Variants in WDR36 observed in about 807,000 individuals in gnomAD.
WDR36 encodes WD repeat-containing protein 36.
In WDR36, 63 loss-of-function variants were observed where a neutral mutation model predicts 112.7. The ratio of observed to expected loss-of-function variants is 0.56; its 90% CI spans 0.46 to 0.69. The LOEUF is 0.69. WDR36 is among the 30% of genes least tolerant of loss of function. The pLI is 0.00. For synonymous variants in WDR36, 410 were observed against 362.2 expected, an observed-to-expected ratio of 1.13 and a Z score of -1.50; for missense variants, 1,226 against 1,070.3, an observed-to-expected ratio of 1.15 and a Z score of -2.03.
chr5:111,113,067 T>G lies in WDR36; in HGVS notation c.1717-7T>G. ...ATATATATATATTTTTTTTTTTTAA[T>G]TTAAAGGCTTTTAGTCCTGATGGTC... On this transcript the variant is annotated splice_polypyrimidine_tract_variant and splice_region_variant and intron_variant, in intron 15 of 22. Coordinates refer to ENST00000513710, the MANE Select transcript of WDR36 (RefSeq NM_139281.3). 8.1e-7 allele frequency: 1 copy of G among 1,234,006 alleles called. No homozygotes were observed. Among genetic ancestry groups the G allele is most frequent in the Non-Finnish European group, 1.1e-6 (1 of 943,648 alleles). 76.4% of individuals were successfully genotyped at this position (1,234,006 alleles called of 1,614,324 possible). A position where few individuals can be genotyped will look rare whatever the true frequency, so the allele number is the denominator to read the frequency against.
chr5:111,110,916 A>C lies in WDR36; in HGVS notation c.1570A>C (p.Ser524Arg), dbSNP rs1753323836. The change falls in exon 14 of 23, where the codon AGT (serine) becomes CGT (arginine). Residue 524 changes from serine (S) to arginine (R), a missense_variant. Coordinates refer to ENST00000513710, the MANE Select transcript of WDR36 (RefSeq NM_139281.3). Reference protein sequence around the residue: ...NKILIHSVSLSSSPNIMLLHR... With the variant: ...NKILIHSVSLRSSPNIMLLHR... ...AATTTTAATCCATTCTGTGAGCCTC[A>C]GTTCATCTCCAAATATCATGTTGCT... The C allele has an allele frequency of 6.2e-7, 1 of 1,611,556 alleles. No individual in the cohort carries two copies. Among genetic ancestry groups the C allele is most frequent in the Non-Finnish European group, 8.5e-7 (1 of 1,178,504 alleles).
At chr5:111,115,167 G>C (rs1239990485) in intron 16 of WDR36, among the ~76,000 whole-genome samples, 1 of 152,120 alleles carries the variant, frequency 6.6e-6, no homozygotes. Flanking sequence ...ACATCGAATT[G>C]TTAAAAGAAA....
intron 9 of WDR36, among the ~76,000 whole-genome samples, 161 bp from the exon 10 acceptor site, chr5:111,105,134 A>T (rs1314816799): frequency 6.6e-6 from 1 of 151,650 alleles, no homozygotes; most frequent in Non-Finnish European, 1.5e-5. Flanking sequence ...ATTCTATAAA[A>T]AGTTGAATAT....
At chr5:111,094,492 G>A (rs537680263) in intron 1 of WDR36, among the ~76,000 whole-genome samples, 1 of 152,178 alleles carries the variant, frequency 6.6e-6, no homozygotes, top group African/African-American at 2.4e-5. Context: ...GTGGGGGCAG[G>A]CTGGGGGTAG....
intron 11 of WDR36, 59 bp from the exon 12 acceptor site, chr5:111,107,235 G>A (rs1446387152): frequency 2.6e-6 from 4 of 1,562,968 alleles, no homozygotes; most frequent in Non-Finnish European, 3.5e-6. Flanking sequence ...TGCCTAATAA[G>A]TAATAAATGA....
intron 12 of WDR36, 45 bp from the exon 13 acceptor site, chr5:111,110,143 TA>T: frequency 7.3e-7 from 1 of 1,376,494 alleles, no homozygotes; most frequent in Non-Finnish European, 1.0e-6. Flanking sequence ...TAAAGTGCAA[TA>T]AAAATGTTAG....
intron 12 of WDR36, 31 bp from the exon 13 acceptor site, chr5:111,110,157 AT>A: frequency 6.8e-7 from 1 of 1,469,044 alleles, no homozygotes; most frequent in South Asian, 1.1e-5. Context: ...AATGTTAGTT[AT>A]TTTGTCATTT....
At chr5:111,125,875 G>A (rs767617666) in intron 22 of WDR36, 80 bp downstream of exon 22, 113 of 1,474,776 alleles carry the variant, frequency 7.7e-5, no homozygotes, top group Non-Finnish European at 1.0e-4. Context: ...CTGCAAAGAT[G>A]GGTATGCTGT....
At chr5:111,125,161 T>C (rs1753652489) in intron 21 of WDR36, among the ~76,000 whole-genome samples, 1 of 152,204 alleles carries the variant, frequency 6.6e-6, no homozygotes. Context: ...TAGTTCCTAA[T>C]GATTATGTAC....
intron 16 of WDR36, among the ~76,000 whole-genome samples, chr5:111,113,647 T>C (rs2112541): frequency 0.53 from 80,698 of 151,790 alleles, 22,372 homozygotes; most frequent in South Asian, 0.68. Flanking sequence ...TATTGAAACT[T>C]GGTTATTTCT....
rs1753139323 is a variant in WDR36 at position 111,102,393 on chromosome 5, T to C, written c.591T>C (p.Leu197=). ...FPGWKVGVTA[L]QQAPAVDVVA... is the part of the protein sequence containing the mutation. ...GATGGAAAGTTGGAGTGACAGCTCT[T>C]CAGCAGGTTAGTATTTTTCTGTTAA... Residue 197 remains leucine, a synonymous_variant, in exon 6 of 23, where the codon CTT becomes CTC. Transcript: ENST00000513710. 6.2e-7 allele frequency: 1 copy of C among 1,610,536 alleles called. No individual in the cohort carries two copies. The highest frequency in any genetic ancestry group is 1.3e-5 in the African/African-American group (1 of 74,722).
At chr5:111,104,393 T>C (rs1025974898) in intron 8 of WDR36, 41 bp downstream of exon 8, 26 of 1,609,798 alleles carry the variant, frequency 1.6e-5, no homozygotes, top group Non-Finnish European at 2.0e-5. Flanking sequence ...CTCATCTAAC[T>C]TACCCTTTGG....
At chr5:111,112,755 C>G (rs574433564) in intron 15 of WDR36, among the ~76,000 whole-genome samples, 1 of 151,778 alleles carries the variant, frequency 6.6e-6, no homozygotes, top group South Asian at 2.1e-4. Context: ...TAAACATTGT[C>G]TATAAATAAA....
intron 15 of WDR36, 125 bp downstream of exon 15, chr5:111,111,403 A>G (rs1446990213): frequency 4.1e-5 from 33 of 801,256 alleles, no homozygotes; most frequent in Non-Finnish European, 6.7e-5. Context: ...GCTATTTTTC[A>G]AAGATTTTAA....
chr5:111,095,711 G>A (rs190044184), intron 2 of WDR36, among the ~76,000 whole-genome samples: 12 of 152,228 alleles, frequency 7.9e-5, no homozygotes, highest in East Asian at 7.7e-4. Flanking sequence ...AAAAAAATCC[G>A]GAATCTGAAA....
Position 111,110,823 on chromosome 5 carries a change from G to A in WDR36, c.1477G>A (p.Gly493Arg), listed in dbSNP as rs753075075. Reference protein sequence around the residue: ...KGSVRGVAVDGLNQLTVTTGS... With the variant: ...KGSVRGVAVDRLNQLTVTTGS... ...ATCTGTTAGAGGTGTCGCAGTGGAT[G>A]GATTAAACCAGTTGACAGTTACAAC... is the stretch of plus-strand genomic sequence containing the variant. Residue 493 changes from glycine to arginine, a missense_variant, in exon 14 of 23, where the codon GGA (glycine) becomes AGA (arginine). Gly to Arg is a moderately radical substitution (Grantham distance 125). Coordinates refer to ENST00000513710, the MANE Select transcript of WDR36 (RefSeq NM_139281.3). 1.5e-5 allele frequency: 24 copies of A among 1,610,954 alleles called. No homozygotes were observed. In the East Asian group the frequency reaches 4.2e-4, roughly 28 times the overall value.
intron 1 of WDR36, 89 bp from the exon 2 acceptor site, chr5:111,094,831 C>A: frequency 9.6e-7 from 1 of 1,042,174 alleles, no homozygotes; most frequent in Non-Finnish European, 1.5e-6. Context: ...AGCAAATATA[C>A]GTATGAGGTT....
chr5:111,124,038 T>G, intron 20 of WDR36, 70 bp from the exon 21 acceptor site: 1 of 1,601,578 alleles, frequency 6.2e-7, no homozygotes, highest in Non-Finnish European at 8.5e-7. Flanking sequence ...TGATAGCTTT[T>G]AATTACAAAC....
intron 2 of WDR36, among the ~76,000 whole-genome samples, chr5:111,096,428 G>A (rs1054307561): frequency 1.3e-5 from 2 of 152,192 alleles, no homozygotes; most frequent in African/African-American, 4.8e-5. Context: ...ACATGGGTTA[G>A]GCATGTGGCT....
Sources: gnomAD v4.1 joint callset for allele counts (sites outside exome capture counted in the v4.1 genomes callset) on GRCh38, gnomAD v4.1.1 for gene constraint, MANE v1.5 for transcripts, NCBI Gene and HGNC (gene_info 2026-07-23, HGNC 2026-07-21) for gene names.